The following ENTPD1 variants were observed in gnomAD, a reference collection of about 807,000 sequenced individuals.
ENTPD1 encodes ectonucleoside triphosphate diphosphohydrolase 1.
Under a neutral mutation model 57.0 loss-of-function variants are expected in ENTPD1, and 33 were observed. The observed-to-expected ratio is 0.58, with a 90% confidence interval of 0.44 to 0.77. ENTPD1 has a LOEUF of 0.77. Among genes scored for constraint, ENTPD1 ranks in the 30% least tolerant of loss-of-function variants. The pLI, the probability that ENTPD1 is intolerant of heterozygous loss-of-function variation, is 0.00. For missense variants in ENTPD1, 501 were observed against 603.4 expected (o/e 0.83, Z 1.78); for synonymous variants, 202 against 218.8 (o/e 0.92, Z 0.68).
At position 95,784,294 on chromosome 10, in the gene ENTPD1, C is replaced by T. The variant is rs553670341; in HGVS notation, c.16+28039C>T. ...CTAATGATGTAGCACCAGCTGCTCA[C>T]AAATACAAGTTCCTTAGAGTATATA... On this transcript the variant is annotated intron_variant, in intron 1 of 9. Coordinates refer to ENST00000371205, the MANE Select transcript of ENTPD1 (RefSeq NM_001776.6). Among the ~76,000 whole-genome samples the T allele has an allele frequency of 2.0e-5, 3 of 152,194 alleles. No individual in the cohort carries two copies. In the East Asian group the frequency reaches 5.8e-4, roughly 29 times the overall value.
At position 95,873,639 on chromosome 10, in the gene ENTPD1, A is replaced by G; in HGVS notation, c.*7256A>G. 1 of 985,462 alleles carries G rather than the reference A, an allele frequency of 1.0e-6. No individual in the cohort carries two copies. The highest frequency in any genetic ancestry group is 1.2e-6 in the Non-Finnish European group (1 of 829,934). The allele number at this position is 985,462 out of a possible 1,614,324, so 61.0% of individuals were successfully genotyped here. A position where few individuals can be genotyped will look rare whatever the true frequency, so the allele number is the denominator to read the frequency against. ...GGATGTTTCCTTCTGTCACTCTACT[A>G]GGGATGAAACAGCTAATCATGTTCA... On this transcript the variant is annotated 3_prime_UTR_variant, in exon 10 of 10. Transcript: ENST00000371205.
At chr10:95,699,307 T>C in the ENTPD1 span, among the ~76,000 whole-genome samples, 1 of 152,138 alleles carries the variant, frequency 6.6e-6, no homozygotes, top group South Asian at 2.1e-4. Context: ...TGATTAAAGA[T>C]GGAAGAAAAA....
Position 95,841,408 on chromosome 10 carries a change from G to A in ENTPD1, c.263-936G>A, listed in dbSNP as rs545663174. ...TCTCAAAAAAAAAAATCTAGCAGAT[G>A]TCCTTCTTCTGAGACTTATCCCATG... On this transcript the variant is annotated intron_variant, in intron 3 of 9. Transcript: ENST00000371205. Among the ~76,000 whole-genome samples the A allele has an allele frequency of 1.4e-4, 22 of 152,134 alleles. No individual in the cohort carries two copies. The South Asian group carries it at 4.4e-3, about 30-fold the overall frequency.
intron 7 of ENTPD1, among the ~76,000 whole-genome samples, chr10:95,854,058 G>A (rs2098450107): frequency 6.6e-6 from 1 of 152,090 alleles, no homozygotes; most frequent in Non-Finnish European, 1.5e-5. Flanking sequence ...AATCCATCTG[G>A]TCCTGGACTT....
At position 95,870,480 on chromosome 10, in the gene ENTPD1, T is replaced by C. The variant is rs1442256768; in HGVS notation, c.*4097T>C. ...TTTCTGTAGAGACAGGGTTTTCCTATGTTGTCCAGGCTGGTCTCGAACTCC... is the reference window on the plus strand; with the variant it reads ...TTTCTGTAGAGACAGGGTTTTCCTACGTTGTCCAGGCTGGTCTCGAACTCC... On this transcript the variant is annotated 3_prime_UTR_variant, in exon 10 of 10. Transcript: ENST00000371205. The C allele has an allele frequency of 7.3e-6, 6 of 817,778 alleles. No individual in the cohort carries two copies. In the African/African-American group the frequency reaches 7.4e-5, roughly 10 times the overall value. 50.7% of individuals were successfully genotyped at this position (817,778 alleles called of 1,614,324 possible). A position where few individuals can be genotyped will look rare whatever the true frequency, so the allele number is the denominator to read the frequency against.
intron 2 of ENTPD1, among the ~76,000 whole-genome samples, chr10:95,831,856 T>G (rs936284174): frequency 2.0e-5 from 3 of 152,264 alleles, no homozygotes; most frequent in Non-Finnish European, 2.9e-5. Context: ...GGGAATGGAT[T>G]TCATTTGTCT....
chr10:95,825,199 T>C (rs1472785403), intron 2 of ENTPD1, among the ~76,000 whole-genome samples: 2 of 152,234 alleles, frequency 1.3e-5, no homozygotes, highest in East Asian at 3.8e-4. Context: ...ACATGGCTGG[T>C]GGCTACTGTA....
Position 95,869,116 on chromosome 10 carries a change from G to C in ENTPD1, c.*2733G>C. The stretch of plus-strand genomic sequence containing the variant: ...CCATTCTCCCCTGGATTTTCACCCA[G>C]GACTCAAAACTTGGTTCTGCTAACC... On this transcript the variant is annotated 3_prime_UTR_variant, in exon 10 of 10. Transcript: ENST00000371205. 1.0e-6 allele frequency: 1 copy of C among 984,976 alleles called. No homozygotes were observed. Among genetic ancestry groups the C allele is most frequent in the Non-Finnish European group, 1.2e-6 (1 of 829,858 alleles). 61.0% of individuals were successfully genotyped at this position (984,976 alleles called of 1,614,324 possible). A position where few individuals can be genotyped will look rare whatever the true frequency, so the allele number is the denominator to read the frequency against.
chr10:95,780,924 A>G (rs1372187845), intron 1 of ENTPD1, among the ~76,000 whole-genome samples: 1 of 152,174 alleles, frequency 6.6e-6, no homozygotes, highest in Non-Finnish European at 1.5e-5. Context: ...CACCCAAAAG[A>G]AAGAAAATCT....
rs919077222 is a variant in ENTPD1, at chr10:95,869,019, G to A, written c.*2636G>A. On this transcript the variant is annotated 3_prime_UTR_variant, in exon 10 of 10. Transcript: ENST00000371205. ...AATCTGCTTTGGGCCACTCTGGGTG[G>A]GGTAGGTGAAATAAGATTGGTCACT... 1 of 985,254 alleles carries A rather than the reference G, an allele frequency of 1.0e-6. No individual in the cohort carries two copies. Among genetic ancestry groups the A allele is most frequent in the African/African-American group, 1.7e-5 (1 of 57,290 alleles). The allele number at this position is 985,254 out of a possible 1,614,324, so 61.0% of individuals were successfully genotyped here.
intron 1 of ENTPD1, among the ~76,000 whole-genome samples, chr10:95,731,790 T>TTTTTTTTTTTTTTTTTTTG (rs1421484336): frequency 7.3e-6 from 1 of 137,502 alleles, no homozygotes; most frequent in Non-Finnish European, 1.6e-5. Flanking sequence ...CCTTTTTTTT[T>TTTTTTTTTTTTTTTTTTTG]TTTTTTTTTT....
chr10:95,805,793 T>A (rs192283629), intron 1 of ENTPD1, among the ~76,000 whole-genome samples: 1 of 152,210 alleles, frequency 6.6e-6, no homozygotes, highest in Non-Finnish European at 1.5e-5. Context: ...GAAAATTCTT[T>A]TCTTTAAGAA....
At chr10:95,705,818 T>C in the ENTPD1 span, among the ~76,000 whole-genome samples, 5 of 152,140 alleles carry the variant, frequency 3.3e-5, no homozygotes, top group African/African-American at 1.2e-4. Context: ...ATGATAATCG[T>C]GTTGATTTGG....
intron 1 of ENTPD1, among the ~76,000 whole-genome samples, chr10:95,777,177 C>A (rs556063434): frequency 1.3e-5 from 2 of 152,130 alleles, no homozygotes; most frequent in Admixed American, 1.3e-4. Flanking sequence ...TCTTTGCTGG[C>A]GAGGAGCTGT....
rs942217125 is a variant in ENTPD1, at chr10:95,866,450, C to T, written c.*67C>T. On this transcript the variant is annotated 3_prime_UTR_variant, in exon 10 of 10. Transcript: ENST00000371205. ...TCGTCCAGGGAGCATTTTCCTCCAT[C>T]GCAGTGTTCAAGGCCATCCTTCCCT... 14 of 1,594,750 alleles carry T rather than the reference C, an allele frequency of 8.8e-6. No homozygotes were observed. Among genetic ancestry groups the T allele is most frequent in the Non-Finnish European group, 1.1e-5 (13 of 1,170,046 alleles).
At chr10:95,851,589 C>T (rs1034749826) in intron 7 of ENTPD1, among the ~76,000 whole-genome samples, 1 of 129,784 alleles carries the variant, frequency 7.7e-6, no homozygotes, top group South Asian at 3.0e-4. Context: ...CTCCCCCCAC[C>T]CCACGACAGT....
chr10:95,871,129 TA>T lies in ENTPD1; in HGVS notation c.*4749del. 1.0e-6 allele frequency: 1 copy of T among 985,470 alleles called. No homozygotes were observed. Among genetic ancestry groups the T allele is most frequent in the Non-Finnish European group, 1.2e-6 (1 of 829,922 alleles). 61.0% of individuals were successfully genotyped at this position (985,470 alleles called of 1,614,324 possible). A position where few individuals can be genotyped will look rare whatever the true frequency, so the allele number is the denominator to read the frequency against. On this transcript the variant is annotated 3_prime_UTR_variant, in exon 10 of 10. Coordinates refer to ENST00000371205, the MANE Select transcript of ENTPD1 (RefSeq NM_001776.6). The stretch of plus-strand genomic sequence containing the variant: ...TCATATGAGCAAGCTCAATAAAATA[TA>T]AACAAGTCAGATAAACAGTGGGAGG...
the ENTPD1 span, among the ~76,000 whole-genome samples, chr10:95,699,534 A>G: frequency 1.3e-5 from 2 of 150,466 alleles, no homozygotes; most frequent in Admixed American, 1.3e-4. Flanking sequence ...CTTGAGCCCA[A>G]GAGGTTGAGG....
chr10:95,751,257 T>A (rs1262383955), upstream of ENTPD1, among the ~76,000 whole-genome samples: 1 of 151,902 alleles, frequency 6.6e-6, no homozygotes, highest in Admixed American at 6.6e-5. Flanking sequence ...GATGAGAGAG[T>A]ATGCACTATG....
Sources: allele counts gnomAD v4.1 joint callset (sites outside exome capture counted in the v4.1 genomes callset), GRCh38; gene constraint gnomAD v4.1.1; transcripts MANE v1.5; gene names NCBI Gene and HGNC (gene_info 2026-07-23, HGNC 2026-07-21).